CTNNA1: variants seen among roughly 807,000 people sequenced by gnomAD.
CTNNA1 encodes catenin alpha-1.
Under a neutral mutation model 98.4 loss-of-function variants are expected in CTNNA1, and 37 were observed. The observed-to-expected ratio is 0.38, with a 90% confidence interval of 0.29 to 0.49. The LOEUF is 0.49. Among genes scored for constraint, CTNNA1 ranks in the 20% least tolerant of loss-of-function variants. CTNNA1 has a pLI of 0.95. For synonymous variants in CTNNA1, 404 were observed against 413.2 expected (o/e 0.98, Z 0.27); for missense variants, 761 against 1,147.2 (o/e 0.66, Z 4.86).
Position 138,783,212 on chromosome 5 carries a change from C to T in CTNNA1, c.141C>T (p.Pro47=), listed in dbSNP as rs2149656171. 2 of 1,613,520 alleles carry T rather than the reference C, an allele frequency of 1.2e-6. No individual in the cohort carries two copies. Among genetic ancestry groups the T allele is most frequent in the Non-Finnish European group, 1.7e-6 (2 of 1,179,620 alleles). ...TTGTAAACACCAATAGTAAAGGGCCCTCTAATAAGAAGAGAGGTCGTTCTA... is the reference window on the plus strand; with the variant it reads ...TTGTAAACACCAATAGTAAAGGGCCTTCTAATAAGAAGAGAGGTCGTTCTA... ...TTLVNTNSKG[P]SNKKRGRSKK... Residue 47 remains proline (P), a synonymous_variant, in exon 3 of 18, where the codon CCC becomes CCT. Coordinates refer to ENST00000302763, the MANE Select transcript of CTNNA1 (RefSeq NM_001903.5).
chr5:138,840,232 G>A (rs1392500261), intron 7 of CTNNA1, among the ~76,000 whole-genome samples: 1 of 152,206 alleles, frequency 6.6e-6, no homozygotes. Flanking sequence ...GGGACCAAGG[G>A]ACATGCCTTC....
At chr5:138,887,827 CTA>C (rs2150034636) in intron 9 of CTNNA1, 185 bp downstream of exon 9, 1 of 503,076 alleles carries the variant, frequency 2.0e-6, no homozygotes, top group African/African-American at 2.0e-5. Flanking sequence ...TTTACATTAA[CTA>C]TGTACGTTAT....
chr5:138,869,776 A>G (rs1765168559), intron 7 of CTNNA1: 1 of 152,646 alleles, frequency 6.6e-6, no homozygotes, highest in Non-Finnish European at 1.5e-5. Context: ...CCATTTATTG[A>G]ATTGATACAG....
At chr5:138,803,395 G>T (rs1035273665) in intron 3 of CTNNA1, among the ~76,000 whole-genome samples, 1 of 152,058 alleles carries the variant, frequency 6.6e-6, no homozygotes, top group African/African-American at 2.4e-5. Context: ...GTCTCAAGTG[G>T]TCCTCCTGCC....
rs894106155 is a variant in CTNNA1, at chr5:138,770,689, A to C, written c.-2-11234A>C. On this transcript the variant is annotated intron_variant, in intron 1 of 17. Coordinates refer to ENST00000302763, the MANE Select transcript of CTNNA1 (RefSeq NM_001903.5). ...AAGACCTCGCCGGGCGCGGTGGCTC[A>C]TGCCTTTAATCCCAGCACTTTGGGA... Among the ~76,000 whole-genome samples, 3 of 152,168 alleles carry C rather than the reference A, an allele frequency of 2.0e-5. No individual in the cohort carries two copies. The East Asian group carries it at 5.8e-4, about 29-fold the overall frequency.
chr5:138,786,906 A>G (rs1426269881), intron 3 of CTNNA1, among the ~76,000 whole-genome samples: 2 of 152,232 alleles, frequency 1.3e-5, no homozygotes, highest in African/African-American at 4.8e-5. Flanking sequence ...AAATTTATAC[A>G]AACACTTTTC....
At chr5:138,786,610 C>G (rs1183623075) in intron 3 of CTNNA1, among the ~76,000 whole-genome samples, 1 of 152,152 alleles carries the variant, frequency 6.6e-6, no homozygotes, top group African/African-American at 2.4e-5. Context: ...GGGGCCGTAT[C>G]CACTCCACTT....
intron 10 of CTNNA1, among the ~76,000 whole-genome samples, chr5:138,906,695 A>G (rs1285485954): frequency 1.3e-5 from 2 of 152,192 alleles, no homozygotes; most frequent in East Asian, 1.9e-4. Context: ...CATTTTTCCT[A>G]CTAAAACAGA....
intron 7 of CTNNA1, among the ~76,000 whole-genome samples, chr5:138,861,526 T>C (rs1019400901): frequency 1.3e-5 from 2 of 152,202 alleles, no homozygotes; most frequent in Non-Finnish European, 1.5e-5. Flanking sequence ...TCTTAAAGAA[T>C]TCTACATTTC....
At chr5:138,824,292 G>A (rs958810632) in intron 5 of CTNNA1, among the ~76,000 whole-genome samples, 20 of 152,152 alleles carry the variant, frequency 1.3e-4, no homozygotes, top group Non-Finnish European at 2.2e-4. Context: ...ATAGCCAGGA[G>A]AAAGTAGAAG....
At chr5:138,870,944 A>G (rs2149918370) in intron 7 of CTNNA1, 1 of 152,348 alleles carries the variant, frequency 6.6e-6, no homozygotes, top group East Asian at 1.9e-4. Flanking sequence ...TCACCACTCG[A>G]GATCAACTGA....
chr5:138,805,303 T>G (rs1478799224), intron 3 of CTNNA1, among the ~76,000 whole-genome samples: 1 of 152,218 alleles, frequency 6.6e-6, no homozygotes, highest in Non-Finnish European at 1.5e-5. Context: ...CTGAGTCATA[T>G]GATAACATTT....
At chr5:138,759,874 A>G (rs889911299) in intron 1 of CTNNA1, among the ~76,000 whole-genome samples, 1 of 151,114 alleles carries the variant, frequency 6.6e-6, no homozygotes, top group Non-Finnish European at 1.5e-5. Context: ...CCCCAGAATT[A>G]CATCTGACTA....
chr5:138,887,735 G>T, intron 9 of CTNNA1, 93 bp downstream of exon 9: 1 of 1,046,790 alleles, frequency 9.6e-7, no homozygotes, highest in Non-Finnish European at 1.4e-6. Context: ...AATTTGTAAG[G>T]GCTCGCTTAA....
chr5:138,871,912 A>G (rs928430588), intron 7 of CTNNA1: 3 of 152,172 alleles, frequency 2.0e-5, no homozygotes, highest in African/African-American at 7.2e-5. Flanking sequence ...TTGCTAGCCA[A>G]TTATTTTTAA....
rs1766025064 is a variant in CTNNA1, at chr5:138,934,070, A to G, written c.2702A>G (p.Lys901Arg). 6.2e-7 allele frequency: 1 copy of G among 1,612,728 alleles called. No homozygotes were observed. The highest frequency in any genetic ancestry group is 8.5e-7 in the Non-Finnish European group (1 of 1,179,920). Residue 901 changes from lysine (K) to arginine (R), a missense_variant, in exon 18 of 18, where the codon AAA becomes AGA. Around this residue, in one of 6 missense-constraint regions of CTNNA1, gnomAD observed 57 missense variants for 90.9 expected, o/e 0.63. Coordinates refer to ENST00000302763, the MANE Select transcript of CTNNA1 (RefSeq NM_001903.5). ...VNPVQALSEF[K>R]AMDSI ...CCGGTGCAGGCCCTCAGCGAGTTCA[A>G]AGCTATGGACAGCATCTAAGTCTGC...
Position 138,759,980 on chromosome 5 carries a change from C to CTTTT in CTNNA1, c.-3+6496_-3+6499dup, listed in dbSNP as rs70982734. On this transcript the variant is annotated intron_variant, in intron 1 of 17. Coordinates refer to ENST00000302763, the MANE Select transcript of CTNNA1 (RefSeq NM_001903.5). ...GGAATCCTCTCCCAGAATTTCTTTCCTTTTTTTTTTTTTTTTTTTTTTTTT... is the reference window on the plus strand; with the variant it reads ...GGAATCCTCTCCCAGAATTTCTTTCCTTTTTTTTTTTTTTTTTTTTTTTTTTTTT... Among the ~76,000 whole-genome samples the CTTTT allele has an allele frequency of 1.3e-3, 78 of 61,246 alleles. 8 individuals are homozygous for CTTTT. The highest frequency in any genetic ancestry group is 5.1e-3 in the African/African-American group (66 of 12,898). 40.2% of individuals were successfully genotyped at this position (61,246 alleles called of 152,430 possible).
chr5:138,867,633 T>A (rs1210898869), intron 7 of CTNNA1, among the ~76,000 whole-genome samples: 1 of 152,214 alleles, frequency 6.6e-6, no homozygotes, highest in African/African-American at 2.4e-5. Context: ...CTCCTTTTCT[T>A]TCTCTTCCTT....
At chr5:138,902,751 A>T (rs1024997267) in intron 9 of CTNNA1, among the ~76,000 whole-genome samples, 1 of 152,146 alleles carries the variant, frequency 6.6e-6, no homozygotes, top group Non-Finnish European at 1.5e-5. Context: ...CAAAATGCTA[A>T]TTTTTTCAAT....
Sources: gnomAD v4.1 joint callset for allele counts (sites outside exome capture counted in the v4.1 genomes callset) on GRCh38, gnomAD v4.1.1 for gene constraint, gnomAD v4.1.1 regional missense constraint, MANE v1.5 for transcripts, NCBI Gene and HGNC (gene_info 2026-07-23, HGNC 2026-07-21) for gene names.